The following BCLAF3 variants were observed in gnomAD, a reference collection of about 807,000 sequenced individuals.
BCLAF3 encodes the protein BCLAF1 and THRAP3 family member 3, also known as transient octamer binding factor 1.
BCLAF3 carries 24 observed loss-of-function variants against 51.2 expected under a neutral mutation model. The ratio of observed to expected loss-of-function variants is 0.47; its 90% confidence interval spans 0.34 to 0.66. BCLAF3 has a LOEUF of 0.66. BCLAF3 is among the 30% of genes least tolerant of loss of function. BCLAF3 has a pLI of 0.01. For synonymous variants in BCLAF3, 152 were observed against 176.6 expected, an observed-to-expected ratio of 0.86 and a Z score of 1.10; for missense variants, 465 against 525.1, an observed-to-expected ratio of 0.89 and a Z score of 1.12.
chrX:19,930,993 T>C (rs749546964), intron 10 of BCLAF3, among the ~76,000 whole-genome samples: 1 of 112,821 alleles, frequency 8.9e-6, no homozygotes, highest in East Asian at 2.8e-4. Flanking sequence ...AGATATTAAG[T>C]ATCAATATCT....
intron 1 of BCLAF3, among the ~76,000 whole-genome samples, chrX:19,972,948 A>G (rs749706394): frequency 2.7e-5 from 3 of 112,349 alleles, no homozygotes; most frequent in Non-Finnish European, 3.8e-5. Flanking sequence ...ACATTTGTGT[A>G]CAAGTTTTTA....
chrX:19,958,546 G>A (rs2071743619), intron 4 of BCLAF3, among the ~76,000 whole-genome samples: 1 of 112,308 alleles, frequency 8.9e-6, no homozygotes, highest in Admixed American at 9.4e-5. Flanking sequence ...TGGTGGTACT[G>A]TATTTCTAGT....
intron 1 of BCLAF3, among the ~76,000 whole-genome samples, chrX:19,974,013 G>C (rs1277519052): frequency 8.9e-6 from 1 of 111,929 alleles, no homozygotes; most frequent in African/African-American, 3.3e-5. Flanking sequence ...AACTGTACAT[G>C]GTACAGTATA....
Position 19,938,721 on chromosome X carries a change from C to T in BCLAF3, c.1746-1189G>A, listed in dbSNP as rs985575279. Reference sequence around the variant, plus strand: ...CAGGAATATTGAAGTACATGTGGTTCCTGGCACAAAGCAATCTCTCCTGCT... The same window carrying T: ...CAGGAATATTGAAGTACATGTGGTTTCTGGCACAAAGCAATCTCTCCTGCT... On this transcript the variant is annotated intron_variant, in intron 8 of 11. Coordinates refer to ENST00000379682, the MANE Select transcript of BCLAF3 (RefSeq NM_001367774.2). Among the ~76,000 whole-genome samples, 4 of 112,524 alleles carry T rather than the reference C, an allele frequency of 3.6e-5. No individual in the cohort carries two copies. The South Asian group carries it at 1.5e-3, about 41-fold the overall frequency.
intron 8 of BCLAF3, 39 bp from the exon 9 acceptor site, chrX:19,937,571 T>G: frequency 1.4e-6 from 1 of 716,777 alleles, no homozygotes; most frequent in South Asian, 2.9e-5. Context: ...ATTTTATTAG[T>G]ATACCTTTTT....
chrX:19,955,580 CA>C lies in BCLAF3; in HGVS notation c.1275-15del. The C allele has an allele frequency of 8.7e-7, 1 of 1,148,790 alleles. No individual in the cohort carries two copies. The highest frequency in any genetic ancestry group is 1.2e-6 in the Non-Finnish European group (1 of 864,836). 94.7% of individuals were successfully genotyped at this position (1,148,790 alleles called of 1,213,427 possible). On this transcript the variant is annotated splice_polypyrimidine_tract_variant and intron_variant, in intron 4 of 11. Transcript: ENST00000379682. ...CTAGAAGCAACCCTAGAATAATTTG[CA>C]AATGTTTAACTAAATTTGAAACTAT...
chrX:19,990,678 G>C (rs2072909350), intron 1 of BCLAF3, among the ~76,000 whole-genome samples: 1 of 113,210 alleles, frequency 8.8e-6, no homozygotes, highest in Admixed American at 9.2e-5. Flanking sequence ...CCTCAGGGGC[G>C]CCGGGCAGCT....
chrX:19,980,870 CAG>C (rs938277208), intron 1 of BCLAF3, among the ~76,000 whole-genome samples: 67 of 106,678 alleles, frequency 6.3e-4, no homozygotes, highest in African/African-American at 2.3e-3. Flanking sequence ...ACCCAGGAGG[CAG>C]AGGTTGCAGT....
At chrX:19,983,849 A>G (rs1466828575) in intron 1 of BCLAF3, among the ~76,000 whole-genome samples, 1 of 110,303 alleles carries the variant, frequency 9.1e-6, no homozygotes, top group African/African-American at 3.3e-5. Context: ...CGGGTGGATC[A>G]CCTCAGGTCA....
intron 2 of BCLAF3, among the ~76,000 whole-genome samples, chrX:19,969,482 C>T (rs145960169): frequency 0.014 from 1,522 of 112,347 alleles, 9 homozygotes; most frequent in Middle Eastern, 0.018. Context: ...TCTACACATC[C>T]TGAAACGCCC....
intron 8 of BCLAF3, among the ~76,000 whole-genome samples, chrX:19,946,130 GCTCGCGCCCGGTGCGCGCACCCA>G (rs2071284801): frequency 9.0e-6 from 1 of 110,907 alleles, no homozygotes; most frequent in Admixed American, 9.4e-5. Context: ...CCCTGCTTCG[GCTCGCGCCCGGTGCGCGCACCCA>G]CTGGCCTGCG....
In BCLAF3 at chrX:19,965,193, T is replaced by G; in HGVS notation, c.1125A>C (p.Lys375Asn). The change falls in exon 4 of 12, where the codon AAA (lysine) becomes AAC (asparagine). Residue 375 changes from lysine to asparagine, a missense_variant. Physicochemically the swap from Lys to Asn is moderately conservative, Grantham distance 94. Transcript: ENST00000379682. ...TGCTCTCTTTTCTACAATCCCCTTC[T>G]TTCTTTATTTTTTCCTTCCATTTGT... ...SNDKWKEKIK[K>N]EGDCRKESNS... The G allele has an allele frequency of 8.3e-7, 1 of 1,205,645 alleles. No homozygotes were observed. Among genetic ancestry groups the G allele is most frequent in the East Asian group, 3.0e-5 (1 of 33,787 alleles).
intron 11 of BCLAF3, chrX:19,918,183 T>C (rs1232311022): frequency 8.9e-6 from 1 of 112,045 alleles, no homozygotes; most frequent in South Asian, 3.6e-4. Context: ...ACAGTGCTGA[T>C]AGAAAATTCT....
chrX:19,932,467 T>C (rs1043419046), intron 10 of BCLAF3, among the ~76,000 whole-genome samples: 1 of 110,508 alleles, frequency 9.0e-6, no homozygotes, highest in African/African-American at 3.3e-5. Flanking sequence ...GCACATTTCG[T>C]TTATAGAAAG....
chrX:19,978,401 G>A (rs1287236241), intron 1 of BCLAF3, among the ~76,000 whole-genome samples: 1 of 111,585 alleles, frequency 9.0e-6, no homozygotes, highest in Non-Finnish European at 1.9e-5. Flanking sequence ...GATTTTGAGG[G>A]GTTCAAGACT....
rs1409789218 is a variant in BCLAF3 at position 19,967,997 on chromosome X, C to A, written c.42-1348G>T. Among the ~76,000 whole-genome samples, 3 of 112,412 alleles carry A rather than the reference C, an allele frequency of 2.7e-5. No individual in the cohort carries two copies. In the East Asian group the frequency reaches 8.4e-4, roughly 31 times the overall value. ...AGGAAGCAAGTGGAGCCTCTGAGGA[C>A]TTCCTGGAAGATTTCATCTCTTTCA... On this transcript the variant is annotated intron_variant, in intron 2 of 11. Coordinates refer to ENST00000379682, the MANE Select transcript of BCLAF3 (RefSeq NM_001367774.2).
At chrX:19,986,595 A>G (rs906541823) in intron 1 of BCLAF3, among the ~76,000 whole-genome samples, 4 of 111,645 alleles carry the variant, frequency 3.6e-5, no homozygotes, top group Non-Finnish European at 5.6e-5. Flanking sequence ...GGAGACTTTC[A>G]TGGTAAATAC....
intron 1 of BCLAF3, among the ~76,000 whole-genome samples, chrX:19,986,917 C>T (rs1219183423): frequency 1.8e-5 from 2 of 108,305 alleles, no homozygotes; most frequent in Non-Finnish European, 3.8e-5. Context: ...GATCCTCTCG[C>T]TTCAGTCTTT....
At chrX:19,964,891 C>T (rs763355234) in intron 4 of BCLAF3, among the ~76,000 whole-genome samples, 153 bp downstream of exon 4, 1 of 111,388 alleles carries the variant, frequency 9.0e-6, no homozygotes, top group South Asian at 3.8e-4. Context: ...AGGAAACAGC[C>T]TCACTACAGG....
Sources: allele counts gnomAD v4.1 joint callset (sites outside exome capture counted in the v4.1 genomes callset), GRCh38; gene constraint gnomAD v4.1.1; transcripts MANE v1.5; gene names NCBI Gene and HGNC (gene_info 2026-07-23, HGNC 2026-07-21).